The following TCF4 variants were observed in gnomAD, a reference collection of about 807,000 sequenced individuals.
TCF4 encodes transcription factor 4.
A neutral mutation model predicts 82.1 loss-of-function variants in TCF4; 3 were observed. The observed-to-expected ratio is 0.04, with a 90% CI of 0.02 to 0.09. The LOEUF (loss-of-function observed/expected upper bound fraction) is 0.09, where lower values mean the gene tolerates loss of function less well. Ranked by LOEUF, TCF4 falls within the 10% of genes least tolerant of loss-of-function variation. TCF4 has a pLI of 1.00. For synonymous variants in TCF4, 276 were observed against 309.6 expected (o/e 0.89, Z 1.14); for missense variants, 518 against 852.7 (o/e 0.61, Z 4.89).
chr18:55,509,779 C>G (rs2096804549), intron 3 of TCF4, among the ~76,000 whole-genome samples: 2 of 152,178 alleles, frequency 1.3e-5, no homozygotes, highest in African/African-American at 4.8e-5. Flanking sequence ...CCAGACATTA[C>G]TGAAGTTCTG....
intron 3 of TCF4, among the ~76,000 whole-genome samples, chr18:55,535,067 A>G (rs2097103074): frequency 6.6e-6 from 1 of 152,208 alleles, no homozygotes; most frequent in Non-Finnish European, 1.5e-5. Context: ...ATTCCTTATA[A>G]AGGCACTTTA....
At chr18:55,599,175 G>A (rs911728333) in intron 2 of TCF4, among the ~76,000 whole-genome samples, 5 of 152,198 alleles carry the variant, frequency 3.3e-5, no homozygotes, top group Admixed American at 1.3e-4. Flanking sequence ...GGGAAGATGA[G>A]TGTTGAAGAG....
intron 6 of TCF4, chr18:55,401,168 G>T: frequency 6.3e-6 from 8 of 1,263,224 alleles, no homozygotes; most frequent in Non-Finnish European, 8.2e-6. Context: ...GACACACTAT[G>T]GTCTGTTCTA....
intron 8 of TCF4, among the ~76,000 whole-genome samples, chr18:55,293,391 C>CTCATGCTCTCTTTGTTAGCAAACTCAA (rs2065583947): frequency 6.6e-6 from 1 of 152,146 alleles, no homozygotes; most frequent in African/African-American, 2.4e-5. Context: ...ACCAAAGTCA[C>CTCATGCTCTCTTTGTTAGCAAACTCAA]TCATGCTCTC....
intron 13 of TCF4, chr18:55,259,706 A>G: frequency 2.0e-6 from 1 of 498,088 alleles, no homozygotes; most frequent in Non-Finnish European, 3.6e-6. Context: ...TAAGAAATAC[A>G]TTTTCCATAT....
chr18:55,251,847 T>C (rs2055226023), intron 15 of TCF4, among the ~76,000 whole-genome samples: 1 of 152,038 alleles, frequency 6.6e-6, no homozygotes, highest in Non-Finnish European at 1.5e-5. Context: ...TTATAGCCTG[T>C]TTCATGTATT....
chr18:55,289,304 C>T (rs1307969802), intron 8 of TCF4, among the ~76,000 whole-genome samples: 4 of 152,214 alleles, frequency 2.6e-5, no homozygotes, highest in African/African-American at 9.7e-5. Flanking sequence ...CTAAGCACAT[C>T]ACAACTCTAA....
chr18:55,299,927 C>T (rs948627522), intron 8 of TCF4, among the ~76,000 whole-genome samples: 41 of 152,252 alleles, frequency 2.7e-4, no homozygotes, highest in African/African-American at 7.9e-4. Context: ...AAGGGAAATG[C>T]TCATAGAGAC....
rs527753929 is a variant in TCF4 at position 55,429,395 on chromosome 18, T to A, written c.305-25877A>T. Among the ~76,000 whole-genome samples the A allele has an allele frequency of 1.2e-4, 18 of 152,314 alleles. No homozygotes were observed. In the East Asian group the frequency reaches 2.9e-3, roughly 25 times the overall value. The stretch of plus-strand genomic sequence containing the variant: ...CAAAACATGTTCCCTTCCCATGTAC[T>A]AGGTGAAATATCAGACTCTGGGATT... On this transcript the variant is annotated intron_variant, in intron 5 of 19. Coordinates refer to ENST00000354452, the MANE Select transcript of TCF4 (RefSeq NM_001083962.2).
At chr18:55,531,995 G>A (rs1398686727) in intron 3 of TCF4, among the ~76,000 whole-genome samples, 1 of 152,176 alleles carries the variant, frequency 6.6e-6, no homozygotes, top group East Asian at 1.9e-4. Context: ...GGATGCAAAT[G>A]TACCAAATTT....
At chr18:55,607,735 TC>T (rs1568489413) in intron 2 of TCF4, among the ~76,000 whole-genome samples, 1 of 152,212 alleles carries the variant, frequency 6.6e-6, no homozygotes, top group Non-Finnish European at 1.5e-5. Flanking sequence ...CCAAATGCTA[TC>T]ATTCCGTCAA....
chr18:55,478,583 T>C (rs1473450409), intron 3 of TCF4, among the ~76,000 whole-genome samples: 1 of 152,038 alleles, frequency 6.6e-6, no homozygotes, highest in Non-Finnish European at 1.5e-5. Flanking sequence ...CAGTTACAAG[T>C]AAGAAACCTA....
chr18:55,369,009 T>C (rs555789393), intron 6 of TCF4, among the ~76,000 whole-genome samples: 113 of 152,332 alleles, frequency 7.4e-4, no homozygotes, highest in African/African-American at 2.6e-3. Flanking sequence ...TGAAATAATA[T>C]GCTGTCAAGG....
intron 9 of TCF4, among the ~76,000 whole-genome samples, chr18:55,278,555 T>C (rs988032919): frequency 1.2e-5 from 1 of 81,032 alleles, no homozygotes; most frequent in African/African-American, 4.2e-5. Flanking sequence ...CATTTATTTA[T>C]TTGTTTGTTT....
chr18:55,555,280 TA>T (rs1475010700), intron 3 of TCF4, among the ~76,000 whole-genome samples: 1 of 152,100 alleles, frequency 6.6e-6, no homozygotes, highest in African/African-American at 2.4e-5. Flanking sequence ...ATGCGAATAC[TA>T]AAAAGAAAGC....
chr18:55,611,641 ATCT>A (rs1397811573), intron 2 of TCF4, among the ~76,000 whole-genome samples: 1 of 152,062 alleles, frequency 6.6e-6, no homozygotes, highest in Non-Finnish European at 1.5e-5. Context: ...ATAATTTGAA[ATCT>A]TCTAGGAATT....
chr18:55,629,552 G>A (rs1220794467), intron 2 of TCF4, among the ~76,000 whole-genome samples: 1 of 152,174 alleles, frequency 6.6e-6, no homozygotes, highest in African/African-American at 2.4e-5. Flanking sequence ...TCATAAAAAT[G>A]GCAAAGATAA....
intron 3 of TCF4, among the ~76,000 whole-genome samples, chr18:55,489,615 CA>C (rs1002970064): frequency 1.3e-5 from 2 of 151,904 alleles, no homozygotes; most frequent in Admixed American, 1.3e-4. Context: ...ACCAAACAAA[CA>C]AAAAAACAAA....
chr18:55,340,506 C>A (rs1198801366), intron 8 of TCF4, among the ~76,000 whole-genome samples: 1 of 149,968 alleles, frequency 6.7e-6, no homozygotes, highest in Non-Finnish European at 1.5e-5. Context: ...ACCGCTTGAG[C>A]CTGGGAGTTT....
Sources: gnomAD v4.1 joint callset for allele counts (sites outside exome capture counted in the v4.1 genomes callset) on GRCh38, gnomAD v4.1.1 for gene constraint, MANE v1.5 for transcripts, NCBI Gene and HGNC (gene_info 2026-07-23, HGNC 2026-07-21) for gene names.